The following SORCS1 variants were observed in gnomAD, a reference collection of about 807,000 sequenced individuals.
SORCS1 encodes the protein VPS10 domain-containing receptor SorCS1.
A neutral mutation model predicts 146.1 loss-of-function variants in SORCS1; 60 were observed. The observed-to-expected ratio is 0.41, with a 90% CI of 0.33 to 0.51. The LOEUF (loss-of-function observed/expected upper bound fraction) is 0.51, where lower values mean the gene tolerates loss of function less well. Ranked by LOEUF, SORCS1 falls within the 20% of genes least tolerant of loss-of-function variation. SORCS1 has a pLI of 0.21. For missense variants in SORCS1, 1,352 were observed against 1,487.6 expected (o/e 0.91, Z 1.50); for synonymous variants, 637 against 584.0 (o/e 1.09, Z -1.31).
intron 1 of SORCS1, among the ~76,000 whole-genome samples, chr10:106,966,081 G>C (rs1348609928): frequency 6.6e-6 from 1 of 152,208 alleles, no homozygotes; most frequent in Non-Finnish European, 1.5e-5. Context: ...AGGGGTTCCT[G>C]ACAGCGAATG....
At chr10:106,733,430 G>A (rs1420017215) in intron 5 of SORCS1, among the ~76,000 whole-genome samples, 1 of 152,162 alleles carries the variant, frequency 6.6e-6, no homozygotes, top group Admixed American at 6.5e-5. Flanking sequence ...CTTAATTGCT[G>A]AGGCCAATCA....
chr10:106,797,347 T>A (rs1489701027), intron 3 of SORCS1, among the ~76,000 whole-genome samples: 1 of 152,090 alleles, frequency 6.6e-6, no homozygotes, highest in Non-Finnish European at 1.5e-5. Context: ...TTTTCAAATA[T>A]ATCATTTGCC....
intron 1 of SORCS1, among the ~76,000 whole-genome samples, chr10:106,981,756 C>G (rs1359691152): frequency 6.6e-6 from 1 of 152,130 alleles, no homozygotes; most frequent in Non-Finnish European, 1.5e-5. Flanking sequence ...GAAAGCAGGA[C>G]AAGGCTCCTC....
intron 6 of SORCS1, among the ~76,000 whole-genome samples, chr10:106,728,883 G>A (rs77180423): frequency 0.014 from 2,085 of 152,240 alleles, 50 homozygotes; most frequent in African/African-American, 0.048. Context: ...GGTAATTGTG[G>A]ATAGTCCATT....
At chr10:106,655,143 C>A (rs1027853187) in intron 17 of SORCS1, among the ~76,000 whole-genome samples, 1 of 152,168 alleles carries the variant, frequency 6.6e-6, no homozygotes, top group Non-Finnish European at 1.5e-5. Context: ...ACATGAGCCA[C>A]CACGCCTGGC....
chr10:107,067,206 T>A (rs556732365), intron 1 of SORCS1, among the ~76,000 whole-genome samples: 1 of 152,318 alleles, frequency 6.6e-6, no homozygotes, highest in African/African-American at 2.4e-5. Flanking sequence ...TGTACTATCA[T>A]TTCTCCTTAC....
At chr10:107,002,833 C>G (rs973895879) in intron 1 of SORCS1, among the ~76,000 whole-genome samples, 2 of 152,110 alleles carry the variant, frequency 1.3e-5, no homozygotes, top group African/African-American at 4.8e-5. Flanking sequence ...GTGCCAGATG[C>G]CTTTTGTCCT....
At chr10:106,717,206 C>T (rs920984043) in intron 6 of SORCS1, among the ~76,000 whole-genome samples, 1 of 152,210 alleles carries the variant, frequency 6.6e-6, no homozygotes, top group East Asian at 1.9e-4. Context: ...AAAGCCCATA[C>T]AAGCGCATAT....
intron 3 of SORCS1, among the ~76,000 whole-genome samples, chr10:106,813,280 C>T (rs1419162185): frequency 6.6e-6 from 1 of 151,516 alleles, no homozygotes; most frequent in Non-Finnish European, 1.5e-5. Flanking sequence ...TTACAGGCAC[C>T]CACCCGCAAG....
chr10:106,998,888 G>A (rs1439987542), intron 1 of SORCS1, among the ~76,000 whole-genome samples: 3 of 152,182 alleles, frequency 2.0e-5, no homozygotes, highest in Non-Finnish European at 4.4e-5. Flanking sequence ...AGACTGCAAA[G>A]ACAAGAAATG....
chr10:106,695,690 T>A (rs1247404413), intron 9 of SORCS1, among the ~76,000 whole-genome samples: 1 of 145,574 alleles, frequency 6.9e-6, no homozygotes, highest in Non-Finnish European at 1.5e-5. Context: ...TTAGCCATTA[T>A]TAATGATATC....
rs578003441 is a variant in SORCS1, at chr10:106,726,224, G to T, written c.1024+3826C>A. 7.4e-5 allele frequency among the ~76,000 whole-genome samples: 9 copies of T among 122,220 alleles called. No homozygotes were observed. In the South Asian group the frequency reaches 2.6e-3, roughly 35 times the overall value. The allele number at this position is 122,220 out of a possible 152,430, so 80.2% of individuals were successfully genotyped here. A position where few individuals can be genotyped will look rare whatever the true frequency, so the allele number is the denominator to read the frequency against. The stretch of plus-strand genomic sequence containing the variant: ...TTTTTTTTTACACTGTGACAGGTCA[G>T]GTGTTATGCTTGGACCCTTTAAAAC... On this transcript the variant is annotated intron_variant, in intron 6 of 25. Coordinates refer to ENST00000263054, the MANE Select transcript of SORCS1 (RefSeq NM_052918.5).
intron 2 of SORCS1, among the ~76,000 whole-genome samples, chr10:106,937,615 A>C (rs1403859989): frequency 6.6e-6 from 1 of 152,176 alleles, no homozygotes; most frequent in East Asian, 1.9e-4. Flanking sequence ...TGAGTCCACT[A>C]AACCTGTTTT....
chr10:106,644,771 C>T (rs1849300745), intron 18 of SORCS1, among the ~76,000 whole-genome samples: 5 of 152,140 alleles, frequency 3.3e-5, no homozygotes, highest in Admixed American at 3.3e-4. Context: ...ATGGATATGA[C>T]ATTTATCCAA....
chr10:106,844,582 T>C (rs1949226452), intron 2 of SORCS1, among the ~76,000 whole-genome samples: 1 of 151,958 alleles, frequency 6.6e-6, no homozygotes, highest in South Asian at 2.1e-4. Flanking sequence ...TTTTAATTAT[T>C]ATTTTTTTTA....
intron 24 of SORCS1, among the ~76,000 whole-genome samples, chr10:106,589,867 C>A (rs543944660): frequency 2.8e-5 from 4 of 142,244 alleles, no homozygotes; most frequent in South Asian, 2.4e-4. Context: ...AAGGAAAAAA[C>A]CCCAAAATCC....
At chr10:107,122,165 T>G (rs1565072760) in intron 1 of SORCS1, among the ~76,000 whole-genome samples, 1 of 152,190 alleles carries the variant, frequency 6.6e-6, no homozygotes, top group African/African-American at 2.4e-5. Context: ...AAATACCCGT[T>G]CAAATGACAT....
At chr10:106,951,549 G>C (rs894853895) in intron 2 of SORCS1, among the ~76,000 whole-genome samples, 1 of 148,622 alleles carries the variant, frequency 6.7e-6, no homozygotes, top group African/African-American at 2.5e-5. Flanking sequence ...CTGGAGGACA[G>C]AGCCTATCTG....
chr10:107,020,474 A>C (rs1434460335), intron 1 of SORCS1, among the ~76,000 whole-genome samples: 1 of 152,234 alleles, frequency 6.6e-6, no homozygotes, highest in Non-Finnish European at 1.5e-5. Context: ...CAAACTAAAG[A>C]CACAGAACAA....
Sources: gnomAD v4.1 joint callset for allele counts (sites outside exome capture counted in the v4.1 genomes callset) on GRCh38, gnomAD v4.1.1 for gene constraint, MANE v1.5 for transcripts, NCBI Gene and HGNC (gene_info 2026-07-23, HGNC 2026-07-21) for gene names.